COIL: variants seen among roughly 807,000 people sequenced by gnomAD.
The protein encoded by COIL is coilin, also known as coilin p80.
A neutral mutation model predicts 51.6 loss-of-function variants in COIL; 28 were observed. The ratio of observed to expected loss-of-function variants is 0.54; its 90% CI spans 0.40 to 0.74. The LOEUF (loss-of-function observed/expected upper bound fraction) is 0.74. COIL is among the 30% of genes least tolerant of loss of function. COIL has a pLI of 0.00. For missense variants in COIL, 667 were observed against 685.9 expected, an observed-to-expected ratio of 0.97 and a Z score of 0.31; for synonymous variants, 233 against 255.8, an observed-to-expected ratio of 0.91 and a Z score of 0.85.
rs149764772 is a variant in COIL at position 56,950,228 on chromosome 17, C to T, written c.1014G>A (p.Ala338=). The change falls in exon 2 of 7, where the codon GCG becomes GCA. Residue 338 remains alanine, a synonymous_variant. Transcript: ENST00000240316. ...LMSSSTPECA[A]GFLKTVGLFA... ...AAAGGCCTACTGTCTTTAAGAAACC[C>T]GCAGCACACTCCGGGGTGCTCGATG... The T allele has an allele frequency of 1.8e-5, 29 of 1,614,060 alleles. No homozygotes were observed. Among genetic ancestry groups the T allele is most frequent in the East Asian group, 2.2e-5 (1 of 44,896 alleles).
intron 4 of COIL, among the ~76,000 whole-genome samples, 190 bp downstream of exon 4, chr17:56,949,197 C>G (rs1691399867): frequency 1.3e-5 from 2 of 152,082 alleles, no homozygotes. Flanking sequence ...AAGTATAAGG[C>G]AAATAACACA....
At chr17:56,954,054 C>T in intron 1 of COIL, among the ~76,000 whole-genome samples, 1 of 152,056 alleles carries the variant, frequency 6.6e-6, no homozygotes, top group Non-Finnish European at 1.5e-5. Context: ...AGCAATGATC[C>T]AAGCTTCAAT....
Position 56,950,202 on chromosome 17 carries a change from A to G in COIL, c.1040T>C (p.Phe347Ser), listed in dbSNP as rs535960338. The G allele has an allele frequency of 4.3e-6, 7 of 1,614,160 alleles. No individual in the cohort carries two copies. The East Asian group carries it at 1.6e-4, about 36-fold the overall frequency. The change falls in exon 2 of 7, where the codon TTT (phenylalanine) becomes TCT (serine). Residue 347 changes from phenylalanine to serine, a missense_variant. Transcript: ENST00000240316. ...TGGGCCTGGACGACCTCTTCCTGCA[A>G]AAAGGCCTACTGTCTTTAAGAAACC... ...AAGFLKTVGL[F>S]AGRGRPGPGL...
intron 6 of COIL, among the ~76,000 whole-genome samples, chr17:56,941,609 G>C (rs955884737): frequency 4.6e-5 from 7 of 152,200 alleles, no homozygotes; most frequent in Non-Finnish European, 1.0e-4. Flanking sequence ...TTGGGGGATA[G>C]TGGTGACAGC....
chr17:56,948,345 T>C (rs1425805137), intron 4 of COIL, among the ~76,000 whole-genome samples: 1 of 151,834 alleles, frequency 6.6e-6, no homozygotes, highest in Non-Finnish European at 1.5e-5. Flanking sequence ...TTCACTGTGT[T>C]AGCCAGGATG....
intron 4 of COIL, among the ~76,000 whole-genome samples, chr17:56,948,704 C>T (rs1468317384): frequency 1.3e-5 from 2 of 150,356 alleles, no homozygotes; most frequent in African/African-American, 4.9e-5. Flanking sequence ...TATGAAAAAC[C>T]TCACATGCCA....
intron 1 of COIL, among the ~76,000 whole-genome samples, chr17:56,955,241 T>A (rs1286066347): frequency 6.6e-6 from 1 of 152,188 alleles, no homozygotes; most frequent in Admixed American, 6.5e-5. Context: ...ACTTTTTGTA[T>A]TTTTAGTAGA....
intron 6 of COIL, among the ~76,000 whole-genome samples, chr17:56,941,745 G>A (rs941422361): frequency 2.6e-5 from 4 of 152,192 alleles, no homozygotes; most frequent in Non-Finnish European, 5.9e-5. Flanking sequence ...TTCTCTGAAC[G>A]TGTATGCCAA....
chr17:56,954,793 C>A (rs1233706331), intron 1 of COIL, among the ~76,000 whole-genome samples: 3 of 151,672 alleles, frequency 2.0e-5, no homozygotes, highest in South Asian at 2.1e-4. Flanking sequence ...ACACAGTGAG[C>A]CCTCATCTGG....
chr17:56,947,778 A>T (rs58347738), intron 4 of COIL, among the ~76,000 whole-genome samples: 24,974 of 152,136 alleles, frequency 0.16, 3,020 homozygotes, highest in African/African-American at 0.34. Context: ...GCCATTAATA[A>T]GCAATTTTTA....
intron 6 of COIL, among the ~76,000 whole-genome samples, chr17:56,940,584 G>GT (rs1483759017): frequency 2.0e-5 from 3 of 152,176 alleles, no homozygotes; most frequent in Admixed American, 6.5e-5. Flanking sequence ...CACTAAAAAT[G>GT]TGTTTCTGGA....
chr17:56,952,824 G>T (rs1160929266), intron 1 of COIL, among the ~76,000 whole-genome samples: 1 of 151,526 alleles, frequency 6.6e-6, no homozygotes, highest in Non-Finnish European at 1.5e-5. Context: ...TGTCTTACTG[G>T]TTATGTTTCT....
chr17:56,948,749 T>G (rs1158558048), intron 4 of COIL, among the ~76,000 whole-genome samples: 1 of 150,072 alleles, frequency 6.7e-6, no homozygotes, highest in Non-Finnish European at 1.5e-5. Context: ...AGTAAGTAAA[T>G]TCCACGGATA....
At chr17:56,953,079 A>C (rs1254074180) in intron 1 of COIL, among the ~76,000 whole-genome samples, 4 of 151,800 alleles carry the variant, frequency 2.6e-5, no homozygotes, top group Admixed American at 1.3e-4. Flanking sequence ...GGAGTTTAAG[A>C]CCAGCCTGGG....
At chr17:56,956,815 G>C (rs1251476704) in intron 1 of COIL, among the ~76,000 whole-genome samples, 1 of 151,894 alleles carries the variant, frequency 6.6e-6, no homozygotes, top group African/African-American at 2.4e-5. Context: ...GGCTGGTCTC[G>C]AACTCCTGAG....
At chr17:56,952,181 G>T (rs1488687386) in intron 1 of COIL, 2 of 497,140 alleles carry the variant, frequency 4.0e-6, no homozygotes, top group African/African-American at 2.0e-5. Flanking sequence ...GATGATCATA[G>T]AGCTGGGAAA....
intron 6 of COIL, 109 bp from the exon 7 acceptor site, chr17:56,939,263 T>A: frequency 1.5e-6 from 1 of 673,330 alleles, no homozygotes; most frequent in South Asian, 1.7e-5. Flanking sequence ...AGAACGGGAA[T>A]AATTTGGGTT....
intron 4 of COIL, among the ~76,000 whole-genome samples, chr17:56,947,135 T>C (rs575284898): frequency 1.3e-5 from 2 of 152,228 alleles, no homozygotes; most frequent in African/African-American, 2.4e-5. Flanking sequence ...CGGGGGTATA[T>C]ACTGAGAGGC....
chr17:56,957,321 T>TA (rs971562698), intron 1 of COIL, among the ~76,000 whole-genome samples: 6 of 150,824 alleles, frequency 4.0e-5, no homozygotes, highest in Middle Eastern at 3.2e-3. Flanking sequence ...AAAAATTAAT[T>TA]AAAAAAAATT....
Sources: allele counts gnomAD v4.1 joint callset (sites outside exome capture counted in the v4.1 genomes callset), GRCh38; gene constraint gnomAD v4.1.1; transcripts MANE v1.5; gene names NCBI Gene and HGNC (gene_info 2026-07-23, HGNC 2026-07-21).